SYNDIG1L: variants seen among roughly 807,000 people sequenced by gnomAD.
SYNDIG1L encodes the protein synapse differentiation inducing 1 like, also known as synapse differentiation-inducing gene protein 1-like.
Under a neutral mutation model 20.1 loss-of-function variants are expected in SYNDIG1L, and 13 were observed. The ratio of observed to expected loss-of-function variants is 0.65; its 90% CI spans 0.42 to 1.03. The LOEUF (loss-of-function observed/expected upper bound fraction) is 1.03. Among genes scored for constraint, SYNDIG1L ranks in the 50% least tolerant of loss-of-function variants. The probability of loss-of-function intolerance (pLI) is 0.00; values close to 1 mark genes in which losing one functional copy is unlikely to be tolerated. For missense variants in SYNDIG1L, 294 were observed against 305.1 expected (o/e 0.96, Z 0.27); for synonymous variants, 128 against 129.3 (o/e 0.99, Z 0.07).
At chr14:74,428,293 G>T (rs562942568), upstream of SYNDIG1L, among the ~76,000 whole-genome samples, 1 of 152,216 alleles carries the variant, frequency 6.6e-6, no homozygotes, top group Admixed American at 6.5e-5. Flanking sequence ...ATTTCTTCCC[G>T]GGAAACTAAC....
At chr14:74,460,418 C>G in the SYNDIG1L span, among the ~76,000 whole-genome samples, 1 of 152,226 alleles carries the variant, frequency 6.6e-6, no homozygotes, top group African/African-American at 2.4e-5. Context: ...CATTCCACAG[C>G]CACCTCCTGA....
chr14:74,407,375 A>G lies in SYNDIG1L; in HGVS notation c.*160T>C, dbSNP rs2086091452. The G allele has an allele frequency of 3.9e-6, 4 of 1,033,164 alleles. No homozygotes were observed. Among genetic ancestry groups the G allele is most frequent in the Non-Finnish European group, 4.2e-6 (3 of 720,682 alleles). 64.0% of individuals were successfully genotyped at this position (1,033,164 alleles called of 1,614,324 possible). On this transcript the variant is annotated 3_prime_UTR_variant, in exon 4 of 4. Coordinates refer to ENST00000331628, the MANE Select transcript of SYNDIG1L (RefSeq NM_001105579.2). ...GGGAGCAGCGGGCAAGCAGAAGTGA[A>G]GGCTGAGCTCTGCAGGCTGTGGAAT...
the SYNDIG1L span, chr14:74,476,592 T>C: frequency 0.19 from 284,342 of 1,532,432 alleles, 28,408 homozygotes; most frequent in African/African-American, 0.34. Flanking sequence ...CATGGGAACA[T>C]CTGCAGAAAG....
the SYNDIG1L span, among the ~76,000 whole-genome samples, chr14:74,473,722 T>C: frequency 5.9e-5 from 9 of 152,238 alleles, no homozygotes; most frequent in African/African-American, 2.2e-4. Context: ...CCCAGCACAG[T>C]GCCTGGCACA....
At chr14:74,424,470 C>T (rs1236599640) in intron 1 of SYNDIG1L, among the ~76,000 whole-genome samples, 1 of 152,076 alleles carries the variant, frequency 6.6e-6, no homozygotes, top group Non-Finnish European at 1.5e-5. Flanking sequence ...GAAAACAACA[C>T]AATTCCTGCC....
the SYNDIG1L span, among the ~76,000 whole-genome samples, chr14:74,468,622 G>A: frequency 5.9e-5 from 9 of 152,090 alleles, no homozygotes; most frequent in African/African-American, 2.2e-4. Context: ...GTGGGATCAC[G>A]ATCCCCCTGC....
the SYNDIG1L span, among the ~76,000 whole-genome samples, chr14:74,442,800 T>A: frequency 6.6e-6 from 1 of 152,180 alleles, no homozygotes; most frequent in Non-Finnish European, 1.5e-5. Context: ...CAGGATTTTG[T>A]AAGAGATTAG....
At chr14:74,429,878 C>G (rs957606791), upstream of SYNDIG1L, among the ~76,000 whole-genome samples, 1 of 152,178 alleles carries the variant, frequency 6.6e-6, no homozygotes, top group African/African-American at 2.4e-5. Flanking sequence ...TGAGGCAGAC[C>G]CCCAGCAATG....
At chr14:74,473,124 G>C in the SYNDIG1L span, among the ~76,000 whole-genome samples, 1 of 152,292 alleles carries the variant, frequency 6.6e-6, no homozygotes, top group Middle Eastern at 3.4e-3. Flanking sequence ...GCTCATGCTT[G>C]TAATCTCAGC....
chr14:74,462,149 C>T, the SYNDIG1L span, among the ~76,000 whole-genome samples: 1 of 148,768 alleles, frequency 6.7e-6, no homozygotes, highest in Non-Finnish European at 1.5e-5. Context: ...GATGATTTTG[C>T]CTAACTGTAT....
the SYNDIG1L span, among the ~76,000 whole-genome samples, chr14:74,470,141 C>T: frequency 6.6e-6 from 1 of 151,906 alleles, no homozygotes; most frequent in African/African-American, 2.4e-5. Flanking sequence ...TCTCTGGCAA[C>T]AAGTCTCTGT....
upstream of SYNDIG1L, among the ~76,000 whole-genome samples, chr14:74,430,754 T>C (rs1052583145): frequency 3.3e-5 from 5 of 150,604 alleles, no homozygotes; most frequent in African/African-American, 1.2e-4. Flanking sequence ...TTATATTTGC[T>C]TGCACACTAC....
chr14:74,460,062 T>A, the SYNDIG1L span, among the ~76,000 whole-genome samples: 1 of 152,096 alleles, frequency 6.6e-6, no homozygotes, highest in Non-Finnish European at 1.5e-5. Flanking sequence ...CTCTGTGGCC[T>A]GATGGCCTGG....
chr14:74,449,949 T>G, the SYNDIG1L span, among the ~76,000 whole-genome samples: 1 of 152,100 alleles, frequency 6.6e-6, no homozygotes, highest in East Asian at 1.9e-4. Flanking sequence ...ATGATAGTTC[T>G]TTATCACAAA....
chr14:74,440,563 T>TA, the SYNDIG1L span, among the ~76,000 whole-genome samples: 1 of 147,034 alleles, frequency 6.8e-6, no homozygotes, highest in Admixed American at 6.8e-5. Flanking sequence ...CAGGCGCCTG[T>TA]AGTCCCAGCT....
At chr14:74,420,800 TA>T (rs1456648769) in intron 1 of SYNDIG1L, among the ~76,000 whole-genome samples, 1 of 152,150 alleles carries the variant, frequency 6.6e-6, no homozygotes, top group African/African-American at 2.4e-5. Context: ...TTCCTGGAGA[TA>T]AAGAGCAGAT....
the SYNDIG1L span, among the ~76,000 whole-genome samples, chr14:74,449,002 C>T: frequency 1.6e-4 from 25 of 151,994 alleles, no homozygotes; most frequent in African/African-American, 6.0e-4. Flanking sequence ...GAGGCTGAGA[C>T]AGAAGGATCA....
the SYNDIG1L span, among the ~76,000 whole-genome samples, chr14:74,435,082 CAAAAAAAA>C: frequency 3.6e-5 from 2 of 54,974 alleles, no homozygotes; most frequent in African/African-American, 7.1e-5. Context: ...GACTCCGTCT[CAAAAAAAA>C]AAAAAAAAAA....
At chr14:74,468,731 A>G in the SYNDIG1L span, among the ~76,000 whole-genome samples, 1 of 151,628 alleles carries the variant, frequency 6.6e-6, no homozygotes, top group Admixed American at 6.6e-5. Flanking sequence ...CACTGACCCA[A>G]CCATCCCACA....
Sources: gnomAD v4.1 joint callset for allele counts (sites outside exome capture counted in the v4.1 genomes callset) on GRCh38, gnomAD v4.1.1 for gene constraint, MANE v1.5 for transcripts, NCBI Gene and HGNC (gene_info 2026-07-23, HGNC 2026-07-21) for gene names.